CR1L: variants seen among roughly 807,000 people sequenced by gnomAD.
CR1L encodes complement C3b/C4b receptor 1 like, also known as complement component receptor 1-like protein.
CR1L carries 59 observed loss-of-function variants against 62.3 expected under a neutral mutation model. That is an observed-to-expected ratio of 0.95 (90% CI 0.77 to 1.18). The LOEUF is 1.18. CR1L is among the 50% of genes most tolerant of loss of function. CR1L has a pLI of 0.00. For synonymous variants in CR1L, 279 were observed against 248.7 expected, an observed-to-expected ratio of 1.12 and a Z score of -1.15; for missense variants, 700 against 702.8, an observed-to-expected ratio of 1.00 and a Z score of 0.04.
At chr1:207,708,305 C>G in intron 10 of CR1L, 42 bp downstream of exon 10, 1 of 1,600,560 alleles carries the variant, frequency 6.2e-7, no homozygotes, top group Non-Finnish European at 8.5e-7. Context: ...ACCATTTAAC[C>G]CTAGAGTTGT....
rs376930215 is a variant in CR1L at position 207,677,502 on chromosome 1, G to A, written c.211G>A (p.Gly71Arg). The A allele has an allele frequency of 3.0e-5, 49 of 1,613,744 alleles. No individual in the cohort carries two copies. Among genetic ancestry groups the A allele is most frequent in the Middle Eastern group, 3.3e-4 (2 of 6,062 alleles). Reference protein sequence around the residue: ...LNYECRPGYSGRPFSIICLKN... With the variant: ...LNYECRPGYSRRPFSIICLKN... Reference sequence around the variant, plus strand: ...CTATGAATGCCGCCCTGGTTATTCCGGAAGACCGTTTTCTATCATCTGCCT... The same window carrying A: ...CTATGAATGCCGCCCTGGTTATTCCAGAAGACCGTTTTCTATCATCTGCCT... Residue 71 changes from glycine (G) to arginine (R), a missense_variant, in exon 2 of 12, where the codon GGA becomes AGA. By Grantham distance (125) the Gly-to-Arg change is moderately radical. Coordinates refer to ENST00000508064, the MANE Select transcript of CR1L (RefSeq NM_175710.2).
intron 1 of CR1L, among the ~76,000 whole-genome samples, chr1:207,662,333 G>T (rs1267429307): frequency 6.6e-6 from 1 of 152,080 alleles, no homozygotes; most frequent in East Asian, 1.9e-4. Context: ...TTTCTTGGAG[G>T]CTTTGTTCAT....
rs552063877 is a variant in CR1L, at chr1:207,671,950, A to G, written c.98-5439A>G. Among the ~76,000 whole-genome samples, 59 of 150,950 alleles carry G rather than the reference A, an allele frequency of 3.9e-4. 5 individuals are homozygous for G. The highest frequency in any genetic ancestry group is 1.5e-3 in the African/African-American group (59 of 40,314). On this transcript the variant is annotated intron_variant, in intron 1 of 11. Transcript: ENST00000508064. The stretch of plus-strand genomic sequence containing the variant: ...ATAAAAATAAAATAAAATAAAGGTC[A>G]GGAAAAGAATGCAAGACAAAAAATA...
At chr1:207,669,432 G>A (rs1663575020) in intron 1 of CR1L, 5 of 1,304,602 alleles carry the variant, frequency 3.8e-6, no homozygotes, top group Non-Finnish European at 5.5e-6. Context: ...GTTTGTAGAT[G>A]TGCTTCGGGA....
intron 4 of CR1L, among the ~76,000 whole-genome samples, chr1:207,688,013 C>T (rs1394633125): frequency 6.6e-6 from 1 of 152,178 alleles, no homozygotes; most frequent in Non-Finnish European, 1.5e-5. Flanking sequence ...TGGCTCACGT[C>T]TATAATCCTA....
At chr1:207,716,014 T>G (rs896365567) in intron 10 of CR1L, among the ~76,000 whole-genome samples, 2 of 152,148 alleles carry the variant, frequency 1.3e-5, no homozygotes, top group Non-Finnish European at 2.9e-5. Flanking sequence ...TGTTCTTTTA[T>G]CCCCTCACGT....
At chr1:207,710,333 ACT>A in intron 10 of CR1L, 1 of 1,120,094 alleles carries the variant, frequency 8.9e-7, no homozygotes, top group Non-Finnish European at 1.3e-6. Context: ...ACAGAGCAAG[ACT>A]CTGTCCCAAG....
intron 5 of CR1L, among the ~76,000 whole-genome samples, chr1:207,696,895 C>T (rs556225857): frequency 6.6e-6 from 1 of 152,168 alleles, no homozygotes; most frequent in Non-Finnish European, 1.5e-5. Context: ...CAGTTGCCCA[C>T]CTTCTCACTG....
intron 8 of CR1L, 122 bp downstream of exon 8, chr1:207,699,396 C>A (rs1664157921): frequency 2.5e-6 from 3 of 1,223,030 alleles, no homozygotes; most frequent in South Asian, 1.4e-5. Flanking sequence ...TTGAAAATTT[C>A]TTATTTTAGT....
At chr1:207,690,921 G>A (rs922936615) in intron 4 of CR1L, among the ~76,000 whole-genome samples, 1 of 152,098 alleles carries the variant, frequency 6.6e-6, no homozygotes, top group African/African-American at 2.4e-5. Context: ...AAGCCACCCT[G>A]GCAATCCAGA....
At position 207,678,249 on chromosome 1, in the gene CR1L, T is replaced by A. The variant is rs764100393; in HGVS notation, c.329T>A (p.Ile110Asn). The change falls in exon 3 of 12, where the codon ATC (isoleucine) becomes AAC (asparagine). Residue 110 changes from isoleucine (I) to asparagine (N), a missense_variant. Transcript: ENST00000508064. ...PDPVNGMAHV[I>N]KDIQFRSQIK... ...CCTGTGAATGGCATGGCACATGTGA[T>A]CAAAGACATCCAGTTCAGATCCCAA... The A allele has an allele frequency of 1.3e-4, 213 of 1,613,754 alleles. 1 individual carries two copies. In the East Asian group the frequency reaches 4.7e-3, roughly 36 times the overall value.
chr1:207,714,888 C>T (rs1212619981), intron 10 of CR1L, among the ~76,000 whole-genome samples: 1 of 152,066 alleles, frequency 6.6e-6, no homozygotes, highest in African/African-American at 2.4e-5. Context: ...GCTTTGCTTA[C>T]CAAATCAAAA....
At chr1:207,693,614 C>T (rs1370717550) in intron 4 of CR1L, among the ~76,000 whole-genome samples, 1 of 152,120 alleles carries the variant, frequency 6.6e-6, no homozygotes, top group Non-Finnish European at 1.5e-5. Context: ...TATATGACCA[C>T]TTTTACACAG....
At chr1:207,663,343 G>A (rs1663456541) in intron 1 of CR1L, among the ~76,000 whole-genome samples, 2 of 152,228 alleles carry the variant, frequency 1.3e-5, no homozygotes, top group South Asian at 2.1e-4. Flanking sequence ...CTCGGCAATG[G>A]TGGGCGCCCC....
chr1:207,662,623 G>T (rs1008342072), intron 1 of CR1L, among the ~76,000 whole-genome samples: 4 of 151,892 alleles, frequency 2.6e-5, no homozygotes, highest in African/African-American at 9.7e-5. Flanking sequence ...TAGTTTGATC[G>T]TCTGAAGCCT....
chr1:207,685,148 T>C (rs550562522), intron 4 of CR1L, among the ~76,000 whole-genome samples: 1 of 152,334 alleles, frequency 6.6e-6, no homozygotes, highest in South Asian at 2.1e-4. Flanking sequence ...ATAATACACC[T>C]ATACCTATAT....
intron 1 of CR1L, among the ~76,000 whole-genome samples, chr1:207,664,120 G>A (rs1393559062): frequency 1.3e-5 from 2 of 152,208 alleles, no homozygotes; most frequent in Non-Finnish European, 2.9e-5. Context: ...CTGTGCTTAT[G>A]ACTGGAGAGA....
chr1:207,684,669 T>TA (rs1193620667), intron 4 of CR1L, among the ~76,000 whole-genome samples: 2 of 152,012 alleles, frequency 1.3e-5, no homozygotes, highest in East Asian at 1.9e-4. Flanking sequence ...TATTCAGCCA[T>TA]AAAAAATGAT....
intron 4 of CR1L, among the ~76,000 whole-genome samples, chr1:207,686,590 A>T (rs1258628881): frequency 6.6e-6 from 1 of 152,206 alleles, no homozygotes; most frequent in Non-Finnish European, 1.5e-5. Context: ...CTAAGTCAAT[A>T]CTTAATCATT....
Sources: allele counts gnomAD v4.1 joint callset (sites outside exome capture counted in the v4.1 genomes callset), GRCh38; gene constraint gnomAD v4.1.1; transcripts MANE v1.5; gene names NCBI Gene and HGNC (gene_info 2026-07-23, HGNC 2026-07-21).